KCNJ1: variants seen among roughly 807,000 people sequenced by gnomAD.
KCNJ1 encodes the protein ATP-sensitive inward rectifier potassium channel 1.
KCNJ1 carries 24 observed loss-of-function variants against 21.9 expected under a neutral mutation model. The observed-to-expected ratio is 1.10, with a 90% CI of 0.79 to 1.54. The LOEUF is 1.54. Among genes scored for constraint, KCNJ1 ranks in the 40% most tolerant of loss-of-function variants. The probability of loss-of-function intolerance (pLI) is 0.00; values close to 1 mark genes in which losing one functional copy is unlikely to be tolerated. For missense variants in KCNJ1, 457 were observed against 455.4 expected, an observed-to-expected ratio of 1.00 and a Z score of -0.03; for synonymous variants, 152 against 160.9, an observed-to-expected ratio of 0.94 and a Z score of 0.42.
chr11:128,864,461 TTTG>T, intron 1 of KCNJ1, among the ~76,000 whole-genome samples: 1 of 152,148 alleles, frequency 6.6e-6, no homozygotes. Context: ...GATGTTTGTT[TTTG>T]TTGTTTTCTT....
intron 1 of KCNJ1, among the ~76,000 whole-genome samples, chr11:128,851,303 A>T (rs751038390): frequency 2.2e-4 from 34 of 152,236 alleles, no homozygotes; most frequent in Admixed American, 1.1e-3. Flanking sequence ...GTAGACAGAA[A>T]TTGTGTATGG....
intron 1 of KCNJ1, among the ~76,000 whole-genome samples, chr11:128,862,591 A>C (rs965936095): frequency 3.3e-5 from 5 of 152,132 alleles, no homozygotes; most frequent in African/African-American, 1.2e-4. Flanking sequence ...CAGTTCGCTG[A>C]TGTGTCATGC....
In KCNJ1 at chr11:128,839,903, A is replaced by C; in HGVS notation, c.341T>G (p.Leu114Arg). Residue 114 changes from leucine to arginine, a missense_variant, in exon 3 of 3, where the codon CTG becomes CGG. By Grantham distance (102) the Leu-to-Arg change is moderately radical. Coordinates refer to ENST00000392666, the MANE Select transcript of KCNJ1 (RefSeq NM_153766.3). ...GGTCACTTGAGTCTCCAGAGAAAACAGAAAAGCTGAGGTCAAGCCATTAAT... is the reference window on the plus strand; with the variant it reads ...GGTCACTTGAGTCTCCAGAGAAAACCGAAAAGCTGAGGTCAAGCCATTAAT... Reference protein sequence around the residue: ...ENINGLTSAFLFSLETQVTIG... With the variant: ...ENINGLTSAFRFSLETQVTIG... The C allele has an allele frequency of 6.2e-7, 1 of 1,614,234 alleles. No individual in the cohort carries two copies. Among genetic ancestry groups the C allele is most frequent in the Non-Finnish European group, 8.5e-7 (1 of 1,180,038 alleles).
At chr11:128,852,448 C>T (rs1310507510) in intron 1 of KCNJ1, among the ~76,000 whole-genome samples, 6 of 152,220 alleles carry the variant, frequency 3.9e-5, no homozygotes, top group African/African-American at 1.2e-4. Flanking sequence ...CATTGACCCT[C>T]AAAGGGTCAA....
chr11:128,838,045 A>AAT lies in KCNJ1; in HGVS notation c.*1078_*1079dup, dbSNP rs1384152305. The AAT allele has an allele frequency of 6.6e-6, 1 of 152,524 alleles. No homozygotes were observed. The highest frequency in any genetic ancestry group is 1.5e-5 in the Non-Finnish European group (1 of 68,046). 9.4% of individuals were successfully genotyped at this position (152,524 alleles called of 1,614,324 possible). ...CACAGTTTCAGAAATTTACTATATT[A>AAT]ATCAACACACTGAAAACATTTTGAT... On this transcript the variant is annotated 3_prime_UTR_variant, in exon 3 of 3. Coordinates refer to ENST00000392666, the MANE Select transcript of KCNJ1 (RefSeq NM_153766.3).
chr11:128,866,150 A>C (rs1378975076), intron 1 of KCNJ1, among the ~76,000 whole-genome samples: 1 of 152,218 alleles, frequency 6.6e-6, no homozygotes, highest in African/African-American at 2.4e-5. Context: ...ACACAAGCCA[A>C]GCCCATGACT....
At chr11:128,842,416 A>G (rs951421566) in intron 2 of KCNJ1, 1 of 1,613,694 alleles carries the variant, frequency 6.2e-7, no homozygotes, top group Admixed American at 1.7e-5. Context: ...GGAAGCATTC[A>G]TGGCTGGAAA....
At chr11:128,855,343 T>C (rs1237937032) in intron 1 of KCNJ1, among the ~76,000 whole-genome samples, 1 of 152,110 alleles carries the variant, frequency 6.6e-6, no homozygotes, top group Non-Finnish European at 1.5e-5. Flanking sequence ...TCCCCTGAGC[T>C]TCACTGGAGC....
At chr11:128,855,633 G>A (rs1035426155) in intron 1 of KCNJ1, among the ~76,000 whole-genome samples, 5 of 152,230 alleles carry the variant, frequency 3.3e-5, no homozygotes, top group Admixed American at 2.6e-4. Context: ...TGTTATCAGA[G>A]TGAGTTATTT....
chr11:128,862,264 C>A (rs1032785730), intron 1 of KCNJ1, among the ~76,000 whole-genome samples: 5 of 152,194 alleles, frequency 3.3e-5, no homozygotes, highest in African/African-American at 1.2e-4. Flanking sequence ...TCTCTGGCAG[C>A]CTCCGTCCCC....
chr11:128,845,041 C>T (rs573730955), intron 2 of KCNJ1, among the ~76,000 whole-genome samples: 3 of 152,250 alleles, frequency 2.0e-5, no homozygotes, highest in African/African-American at 7.2e-5. Context: ...AGAAGAAATT[C>T]GTTTCTATGA....
intron 1 of KCNJ1, among the ~76,000 whole-genome samples, chr11:128,858,319 G>T (rs912425784): frequency 1.3e-5 from 2 of 152,056 alleles, no homozygotes; most frequent in Non-Finnish European, 2.9e-5. Flanking sequence ...AAGGAGGTTC[G>T]CAACACAGCA....
intron 2 of KCNJ1, among the ~76,000 whole-genome samples, chr11:128,847,989 C>G (rs1001723821): frequency 6.6e-6 from 1 of 152,140 alleles, no homozygotes; most frequent in Non-Finnish European, 1.5e-5. Context: ...CTGCCTCAGC[C>G]TCAAAGTACC....
intron 1 of KCNJ1, among the ~76,000 whole-genome samples, chr11:128,864,129 GCTTGAGGAGTGCAGTGGCA>G (rs1483177388): frequency 2.4e-5 from 3 of 125,614 alleles, no homozygotes; most frequent in African/African-American, 9.5e-5. Flanking sequence ...TATCACCCAG[GCTTGAGGAGTGCAGTGGCA>G]CGATCTCAGC....
At chr11:128,854,109 G>T (rs1455225489) in intron 1 of KCNJ1, among the ~76,000 whole-genome samples, 1 of 134,028 alleles carries the variant, frequency 7.5e-6, no homozygotes, top group East Asian at 2.2e-4. Context: ...TTACGATCCT[G>T]GGTTGGCAGC....
intron 2 of KCNJ1, among the ~76,000 whole-genome samples, chr11:128,843,057 T>A (rs555635764): frequency 2.6e-4 from 39 of 152,362 alleles, no homozygotes; most frequent in African/African-American, 9.1e-4. Flanking sequence ...TGGCATTTAC[T>A]GAAGGTGTTT....
At chr11:128,864,490 C>T (rs1943781663) in intron 1 of KCNJ1, among the ~76,000 whole-genome samples, 1 of 152,108 alleles carries the variant, frequency 6.6e-6, no homozygotes, top group Admixed American at 6.5e-5. Flanking sequence ...AATTTCTGCA[C>T]ACCCTGCTTG....
At chr11:128,850,237 A>C (rs1281467350) in intron 2 of KCNJ1, among the ~76,000 whole-genome samples, 3 of 152,084 alleles carry the variant, frequency 2.0e-5, no homozygotes, top group Non-Finnish European at 4.4e-5. Flanking sequence ...ATTTCTCAGA[A>C]AGACATTTAA....
intron 1 of KCNJ1, among the ~76,000 whole-genome samples, chr11:128,865,418 T>C (rs1204404496): frequency 6.6e-5 from 10 of 151,734 alleles, no homozygotes; most frequent in Admixed American, 6.6e-4. Context: ...GGACCTAGCA[T>C]CCAAAACACA....
Sources: allele counts gnomAD v4.1 joint callset (sites outside exome capture counted in the v4.1 genomes callset), GRCh38; gene constraint gnomAD v4.1.1; transcripts MANE v1.5; gene names NCBI Gene and HGNC (gene_info 2026-07-23, HGNC 2026-07-21).